The following NKAIN3 variants were observed in gnomAD, a reference collection of about 807,000 sequenced individuals.
The protein encoded by NKAIN3 is sodium/potassium transporting ATPase interacting 3.
Under a neutral mutation model 30.2 loss-of-function variants are expected in NKAIN3, and 25 were observed. The observed-to-expected ratio is 0.83, with a 90% CI of 0.60 to 1.16. The LOEUF is 1.16. Ranked by LOEUF, NKAIN3 falls within the 50% of genes most tolerant of loss-of-function variation. NKAIN3 has a pLI of 0.00. For synonymous variants in NKAIN3, 91 were observed against 89.6 expected (o/e 1.02, Z -0.09); for missense variants, 225 against 254.1 (o/e 0.89, Z 0.78).
rs576805698 is a variant in NKAIN3, at chr8:62,391,484, G to A, written c.54+142357G>A. ...TATTACACTGGGAAATAGAAAAATA[G>A]ATAAAAGATGAGAACTAGAGAAAAA... is the stretch of plus-strand genomic sequence containing the variant. On this transcript the variant is annotated intron_variant, in intron 1 of 6. Coordinates refer to ENST00000623646, the MANE Select transcript of NKAIN3 (RefSeq NM_001304533.3). Among the ~76,000 whole-genome samples the A allele has an allele frequency of 5.9e-5, 9 of 151,994 alleles. No individual in the cohort carries two copies. The East Asian group carries it at 1.7e-3, about 29-fold the overall frequency.
At position 62,345,848 on chromosome 8, in the gene NKAIN3, A is replaced by G. The variant is rs1385471418; in HGVS notation, c.54+96721A>G. Among the ~76,000 whole-genome samples the G allele has an allele frequency of 1.3e-5, 2 of 151,882 alleles. 1 individual carries two copies. The highest frequency in any genetic ancestry group is 2.9e-5 in the Non-Finnish European group (2 of 67,924). On this transcript the variant is annotated intron_variant, in intron 1 of 6. Coordinates refer to ENST00000623646, the MANE Select transcript of NKAIN3 (RefSeq NM_001304533.3). ...AGTATGTGTGTGTGTGTATGTGTGT[A>G]TGTTTTCCTGCATACATACACAATG...
At chr8:62,721,461 G>A (rs568787572) in intron 3 of NKAIN3, among the ~76,000 whole-genome samples, 2 of 152,092 alleles carry the variant, frequency 1.3e-5, no homozygotes, top group Non-Finnish European at 2.9e-5. Flanking sequence ...AGCTTCCTAG[G>A]CAAACTGAGA....
chr8:62,407,857 C>T (rs1483196306), intron 1 of NKAIN3, among the ~76,000 whole-genome samples: 1 of 152,172 alleles, frequency 6.6e-6, no homozygotes, highest in Non-Finnish European at 1.5e-5. Context: ...CACAGAGAGA[C>T]CACGTCTCTA....
At chr8:62,852,162 C>A (rs1396382729) in intron 4 of NKAIN3, among the ~76,000 whole-genome samples, 1 of 152,142 alleles carries the variant, frequency 6.6e-6, no homozygotes, top group African/African-American at 2.4e-5. Context: ...GGAGATTCAT[C>A]TTTTTCCTGA....
At chr8:62,927,257 T>C (rs1330122243) in intron 5 of NKAIN3, among the ~76,000 whole-genome samples, 2 of 152,224 alleles carry the variant, frequency 1.3e-5, no homozygotes, top group Admixed American at 1.3e-4. Context: ...GACTTCCTAA[T>C]TGTCAAGTTC....
intron 1 of NKAIN3, among the ~76,000 whole-genome samples, chr8:62,272,051 T>C (rs1260799529): frequency 6.6e-6 from 1 of 152,170 alleles, no homozygotes; most frequent in Non-Finnish European, 1.5e-5. Flanking sequence ...AGTAGAATCA[T>C]AGATTCTACC....
chr8:62,631,244 T>C (rs1340761376), intron 3 of NKAIN3, among the ~76,000 whole-genome samples: 1 of 152,128 alleles, frequency 6.6e-6, no homozygotes, highest in African/African-American at 2.4e-5. Context: ...CACACCAGTG[T>C]TTCAAGCTAT....
chr8:62,540,257 A>G (rs1014085315), intron 1 of NKAIN3, among the ~76,000 whole-genome samples: 6 of 152,156 alleles, frequency 3.9e-5, no homozygotes, highest in Non-Finnish European at 8.8e-5. Context: ...TTTTAGCTTT[A>G]TACAATTCAC....
intron 4 of NKAIN3, among the ~76,000 whole-genome samples, chr8:62,842,719 C>A (rs1819569897): frequency 6.6e-6 from 1 of 152,004 alleles, no homozygotes; most frequent in Non-Finnish European, 1.5e-5. Flanking sequence ...CCTTCATGGT[C>A]AATTGATTTT....
At chr8:62,535,015 A>C (rs2129860442) in intron 1 of NKAIN3, among the ~76,000 whole-genome samples, 1 of 152,256 alleles carries the variant, frequency 6.6e-6, no homozygotes, top group East Asian at 1.9e-4. Context: ...ATTTGTGTGC[A>C]TGCTTTTTTA....
chr8:62,484,806 G>C (rs562407484), intron 1 of NKAIN3, among the ~76,000 whole-genome samples: 9 of 152,232 alleles, frequency 5.9e-5, no homozygotes, highest in African/African-American at 2.2e-4. Flanking sequence ...GCAGCACAAA[G>C]GGTCACATAG....
chr8:62,397,944 A>G (rs913253644), intron 1 of NKAIN3, among the ~76,000 whole-genome samples: 5 of 152,182 alleles, frequency 3.3e-5, no homozygotes, highest in Non-Finnish European at 7.3e-5. Context: ...GTTTGTGCAG[A>G]TGGAGACAAA....
At chr8:62,814,743 G>A (rs1425055720) in intron 4 of NKAIN3, among the ~76,000 whole-genome samples, 1 of 151,826 alleles carries the variant, frequency 6.6e-6, no homozygotes, top group African/African-American at 2.4e-5. Flanking sequence ...TGTGTAGAGG[G>A]AAATTTATAG....
intron 4 of NKAIN3, among the ~76,000 whole-genome samples, chr8:62,811,421 A>G (rs1818484679): frequency 1.3e-5 from 2 of 152,192 alleles, no homozygotes; most frequent in South Asian, 4.1e-4. Flanking sequence ...GTATTTGCAT[A>G]TTTAGTTTTA....
At chr8:62,489,000 T>C (rs1044209971) in intron 1 of NKAIN3, among the ~76,000 whole-genome samples, 19 of 152,200 alleles carry the variant, frequency 1.2e-4, no homozygotes, top group African/African-American at 4.6e-4. Context: ...GCTATTATTA[T>C]TCCATTTATC....
Position 62,967,075 on chromosome 8 carries a change from A to G in NKAIN3, c.*1668A>G, listed in dbSNP as rs572198141. Reference sequence around the variant, plus strand: ...CCATTGGTACCCACAAACTCCCATTACTTTTTTTTCTGCTTAATAAATCCA... The same window carrying G: ...CCATTGGTACCCACAAACTCCCATTGCTTTTTTTTCTGCTTAATAAATCCA... On this transcript the variant is annotated 3_prime_UTR_variant, in exon 7 of 7. Transcript: ENST00000623646. Among the ~76,000 whole-genome samples the G allele has an allele frequency of 6.6e-6, 1 of 152,088 alleles. No individual in the cohort carries two copies. Among genetic ancestry groups the G allele is most frequent in the African/African-American group, 2.4e-5 (1 of 41,420 alleles).
At chr8:62,879,495 G>A (rs897345182) in intron 4 of NKAIN3, among the ~76,000 whole-genome samples, 1 of 152,128 alleles carries the variant, frequency 6.6e-6, no homozygotes, top group South Asian at 2.1e-4. Flanking sequence ...TTCTTTTGCT[G>A]TGCAGAAGCT....
chr8:62,488,525 C>G (rs1806972169), intron 1 of NKAIN3, among the ~76,000 whole-genome samples: 1 of 152,110 alleles, frequency 6.6e-6, no homozygotes, highest in African/African-American at 2.4e-5. Flanking sequence ...GAATGGGTAG[C>G]CCATCCTCTC....
At chr8:62,596,190 C>T (rs1165889613) in intron 3 of NKAIN3, among the ~76,000 whole-genome samples, 1 of 151,832 alleles carries the variant, frequency 6.6e-6, no homozygotes, top group Non-Finnish European at 1.5e-5. Context: ...CGGTGGCTAG[C>T]CATCCTGAGG....
Sources: allele counts gnomAD v4.1 joint callset (sites outside exome capture counted in the v4.1 genomes callset), GRCh38; gene constraint gnomAD v4.1.1; transcripts MANE v1.5; gene names NCBI Gene and HGNC (gene_info 2026-07-23, HGNC 2026-07-21).